Variants in GABRG1 observed in about 807,000 individuals in gnomAD.
GABRG1 encodes the protein gamma-aminobutyric acid type A receptor subunit gamma1.
A neutral mutation model predicts 49.8 loss-of-function variants in GABRG1; 49 were observed. The ratio of observed to expected loss-of-function variants is 0.98; its 90% CI spans 0.78 to 1.25. The LOEUF is 1.25. Among genes scored for constraint, GABRG1 ranks in the 50% most tolerant of loss-of-function variants. The pLI is 0.00. For synonymous variants in GABRG1, 232 were observed against 185.1 expected, an observed-to-expected ratio of 1.25 and a Z score of -2.06; for missense variants, 552 against 552.3, an observed-to-expected ratio of 1.00 and a Z score of 0.01.
In GABRG1 at chr4:46,107,930, T is replaced by C. The variant is rs1466916708; in HGVS notation, c.105-10581A>G. 2.6e-5 allele frequency among the ~76,000 whole-genome samples: 4 copies of C among 151,230 alleles called. No homozygotes were observed. In the East Asian group the frequency reaches 7.8e-4, roughly 29 times the overall value. On this transcript the variant is annotated intron_variant, in intron 1 of 8. Transcript: ENST00000295452. ...TAGAATAAGTATTTACTTATGTATT[T>C]GGTAAAATGTTTATGTATATGTGAT...
chr4:46,059,704 C>T (rs1242636061), intron 5 of GABRG1, among the ~76,000 whole-genome samples: 4 of 152,048 alleles, frequency 2.6e-5, no homozygotes, highest in African/African-American at 4.8e-5. Context: ...TGAGCCACCA[C>T]GCCTAGCCAC....
chr4:46,048,748 AAG>A (rs1718101254), intron 8 of GABRG1, among the ~76,000 whole-genome samples: 2 of 151,406 alleles, frequency 1.3e-5, no homozygotes, highest in Non-Finnish European at 3.0e-5. Context: ...AAATGAAAGA[AAG>A]AGAATGAAAG....
In GABRG1 at chr4:46,040,895, T is replaced by A. The variant is rs1478332054; in HGVS notation, c.*93A>T. 9 of 1,277,602 alleles carry A rather than the reference T, an allele frequency of 7.0e-6. No individual in the cohort carries two copies. The East Asian group carries it at 2.1e-4, about 30-fold the overall frequency. The allele number at this position is 1,277,602 out of a possible 1,614,324, so 79.1% of individuals were successfully genotyped here. A position where few individuals can be genotyped will look rare whatever the true frequency, so the allele number is the denominator to read the frequency against. ...TTCACATTTTAACCATTGGTCTCTC[T>A]GCATTTTAAATTTAAACTTCAAGTT... On this transcript the variant is annotated 3_prime_UTR_variant, in exon 9 of 9. Transcript: ENST00000295452.
chr4:46,049,187 G>A (rs1718119105), intron 8 of GABRG1, among the ~76,000 whole-genome samples: 2 of 151,840 alleles, frequency 1.3e-5, no homozygotes, highest in South Asian at 4.1e-4. Context: ...CAGGCTTAAT[G>A]GCAAGATGCT....
intron 2 of GABRG1, among the ~76,000 whole-genome samples, chr4:46,096,513 T>C (rs1720168101): frequency 6.6e-6 from 1 of 151,686 alleles, no homozygotes; most frequent in Non-Finnish European, 1.5e-5. Flanking sequence ...CACAAAATTC[T>C]CCCTTTTATT....
intron 1 of GABRG1, among the ~76,000 whole-genome samples, chr4:46,117,570 C>T (rs1454873292): frequency 4.2e-5 from 6 of 141,816 alleles, no homozygotes; most frequent in East Asian, 2.0e-4. Flanking sequence ...CTCTCTCTCT[C>T]TCTCTCTCTC....
At chr4:46,048,423 G>GAAGGAAGGAAGGAAGA (rs1185386475) in intron 8 of GABRG1, among the ~76,000 whole-genome samples, 1 of 135,170 alleles carries the variant, frequency 7.4e-6, no homozygotes. Flanking sequence ...AGGAAGGAAG[G>GAAGGAAGGAAGGAAGA]TTCTTCCAAG....
rs1560349815 is a variant in GABRG1 at position 46,051,556 on chromosome 4, C to CA, written c.998dup (p.Met333IlefsTer36). On this transcript the variant is annotated frameshift_variant, in exon 8 of 9. Coordinates refer to ENST00000295452, the MANE Select transcript of GABRG1 (RefSeq NM_173536.4). LOFTEE classifies it high-confidence loss of function. ...TGAAACAAACAGAAACAAAGAGATC[C>CA]ATCGCAGTCACATAAGAAACCTTAG... 2 of 1,611,594 alleles carry CA rather than the reference C, an allele frequency of 1.2e-6. No individual in the cohort carries two copies. Among genetic ancestry groups the CA allele is most frequent in the Non-Finnish European group, 1.7e-6 (2 of 1,178,542 alleles).
chr4:46,111,249 T>C (rs1385658996), intron 1 of GABRG1, among the ~76,000 whole-genome samples: 2 of 150,872 alleles, frequency 1.3e-5, no homozygotes, highest in Admixed American at 6.6e-5. Context: ...CCATTTACAA[T>C]AGCCACAAAA....
rs571188923 is a variant in GABRG1, at chr4:46,060,006, T to G, written c.626-1384A>C. On this transcript the variant is annotated intron_variant, in intron 5 of 8. Transcript: ENST00000295452. ...TGTATTCTAGATACTAGTCCTTTGT[T>G]AAGGAAAATGTTTTTGTCTACTTTG... 5.3e-5 allele frequency among the ~76,000 whole-genome samples: 8 copies of G among 152,274 alleles called. 1 individual carries two copies. The highest frequency in any genetic ancestry group is 1.7e-4 in the African/African-American group (7 of 41,578).
chr4:46,089,344 C>T (rs574493228), intron 2 of GABRG1, among the ~76,000 whole-genome samples: 1 of 152,138 alleles, frequency 6.6e-6, no homozygotes, highest in Admixed American at 6.6e-5. Context: ...CTTGATGTTA[C>T]CCCAAAAAGA....
At chr4:46,108,006 A>T (rs10007574) in intron 1 of GABRG1, among the ~76,000 whole-genome samples, 14,206 of 151,232 alleles carry the variant, frequency 0.094, 1,663 homozygotes, top group African/African-American at 0.28. Context: ...AAGGTAAATC[A>T]ATAGGTTTCC....
At chr4:46,044,106 A>C (rs1717894427) in intron 8 of GABRG1, among the ~76,000 whole-genome samples, 2 of 152,140 alleles carry the variant, frequency 1.3e-5, no homozygotes, top group South Asian at 4.1e-4. Context: ...AGCACTGTTT[A>C]CCACTCCTTC....
chr4:46,115,732 A>C (rs539608843), intron 1 of GABRG1, among the ~76,000 whole-genome samples: 1 of 150,970 alleles, frequency 6.6e-6, no homozygotes, highest in South Asian at 2.1e-4. Context: ...CATCTAAAAT[A>C]GGAAACAAAT....
At chr4:46,107,438 T>C (rs1227202149) in intron 1 of GABRG1, among the ~76,000 whole-genome samples, 1 of 151,202 alleles carries the variant, frequency 6.6e-6, no homozygotes, top group African/African-American at 2.4e-5. Flanking sequence ...CACACAAATG[T>C]ACATGTACAC....
intron 1 of GABRG1, among the ~76,000 whole-genome samples, chr4:46,109,695 G>C (rs1720660886): frequency 6.6e-6 from 1 of 151,102 alleles, no homozygotes; most frequent in Admixed American, 6.6e-5. Flanking sequence ...GCATAACAGA[G>C]ACTTTAGTAT....
At chr4:46,064,608 T>G (rs1718837679) in intron 4 of GABRG1, 85 bp from the exon 5 acceptor site, 1 of 628,618 alleles carries the variant, frequency 1.6e-6, no homozygotes, top group East Asian at 3.2e-5. Context: ...AAACAAGATT[T>G]TGTCATATGA....
intron 1 of GABRG1, among the ~76,000 whole-genome samples, chr4:46,110,731 G>A (rs191402989): frequency 4.9e-4 from 74 of 150,802 alleles, no homozygotes; most frequent in African/African-American, 1.3e-3. Flanking sequence ...TTCATCATAT[G>A]AGCATAATTA....
At chr4:46,101,138 T>A (rs1720365814) in intron 1 of GABRG1, among the ~76,000 whole-genome samples, 1 of 151,492 alleles carries the variant, frequency 6.6e-6, no homozygotes, top group South Asian at 2.1e-4. Context: ...TATGATTTTT[T>A]AAAAATAATA....
Sources: allele counts gnomAD v4.1 joint callset (sites outside exome capture counted in the v4.1 genomes callset), GRCh38; gene constraint gnomAD v4.1.1; transcripts MANE v1.5; gene names NCBI Gene and HGNC (gene_info 2026-07-23, HGNC 2026-07-21).